Variants in GPR158 observed in about 807,000 individuals in gnomAD.
GPR158 encodes G protein-coupled receptor 158, also known as metabotropic glycine receptor.
A neutral mutation model predicts 78.2 loss-of-function variants in GPR158; 30 were observed. The observed-to-expected ratio is 0.38, with a 90% CI of 0.29 to 0.52. The LOEUF (loss-of-function observed/expected upper bound fraction) is 0.52, where lower values mean the gene tolerates loss of function less well. Among genes scored for constraint, GPR158 ranks in the 20% least tolerant of loss-of-function variants. GPR158 has a pLI of 0.83. For missense variants in GPR158, 1,463 were observed against 1,523.5 expected, an observed-to-expected ratio of 0.96 and a Z score of 0.66; for synonymous variants, 581 against 591.1, an observed-to-expected ratio of 0.98 and a Z score of 0.25.
chr10:25,381,182 T>C, intron 2 of GPR158, among the ~76,000 whole-genome samples: 1 of 152,066 alleles, frequency 6.6e-6, no homozygotes. Context: ...AAAGAGGGAA[T>C]GGTCAGAAGT....
intron 2 of GPR158, among the ~76,000 whole-genome samples, chr10:25,301,131 A>G (rs561152968): frequency 3.3e-5 from 5 of 152,324 alleles, no homozygotes; most frequent in African/African-American, 4.8e-5. Flanking sequence ...CCTTCAAAAT[A>G]TATTGAGATA....
chr10:25,432,118 G>C (rs534429378), intron 4 of GPR158, among the ~76,000 whole-genome samples: 21 of 152,190 alleles, frequency 1.4e-4, no homozygotes, highest in African/African-American at 5.1e-4. Context: ...CAAGGAATTA[G>C]CATCCTTAAC....
intron 4 of GPR158, among the ~76,000 whole-genome samples, chr10:25,458,834 G>GC (rs1229777963): frequency 1.3e-5 from 2 of 152,172 alleles, no homozygotes; most frequent in Admixed American, 6.5e-5. Flanking sequence ...GGGAGTCTCT[G>GC]CCATGACCTT....
rs11014627 is a variant in GPR158, at chr10:25,582,888, A to T, written c.1754-6119A>T. On this transcript the variant is annotated intron_variant, in intron 7 of 10. Transcript: ENST00000376351. Reference sequence around the variant, plus strand: ...CTCCTTTAATTACCACAGGCTATTCAATTCTAATTAATGTATCAGCTGTTC... The same window carrying T: ...CTCCTTTAATTACCACAGGCTATTCTATTCTAATTAATGTATCAGCTGTTC... 2.0e-5 allele frequency among the ~76,000 whole-genome samples: 3 copies of T among 152,122 alleles called. No individual in the cohort carries two copies. The East Asian group carries it at 5.8e-4, about 29-fold the overall frequency.
chr10:25,596,594 A>G lies in GPR158; in HGVS notation c.1999-49A>G, dbSNP rs1166478477. The G allele has an allele frequency of 3.5e-6, 5 of 1,431,772 alleles. No homozygotes were observed. The African/African-American group carries it at 4.2e-5, about 12-fold the overall frequency. The allele number at this position is 1,431,772 out of a possible 1,614,324, so 88.7% of individuals were successfully genotyped here. ...ATAGATATAGATATAGATATATGCA[A>G]TGCGTTACAGTGAGCTAATGTCTAC... On this transcript the variant is annotated intron_variant, in intron 9 of 10. Transcript: ENST00000376351.
In GPR158 at chr10:25,413,677, C is replaced by T. The variant is rs563402362; in HGVS notation, c.1335+1204C>T. ...AAAAAATACCCTCTGTGAATGGCATCTATTATGAAGCCTCAAGGTAAACAG... is the reference window on the plus strand; with the variant it reads ...AAAAAATACCCTCTGTGAATGGCATTTATTATGAAGCCTCAAGGTAAACAG... On this transcript the variant is annotated intron_variant, in intron 4 of 10. Transcript: ENST00000376351. Among the ~76,000 whole-genome samples, 1,187 of 152,232 alleles carry T rather than the reference C, an allele frequency of 7.8e-3. 14 individuals are homozygous for T. Among genetic ancestry groups the T allele is most frequent in the Non-Finnish European group, 0.014 (919 of 68,018 alleles).
chr10:25,575,910 G>T (rs1837087404), intron 7 of GPR158, among the ~76,000 whole-genome samples: 1 of 151,886 alleles, frequency 6.6e-6, no homozygotes, highest in African/African-American at 2.4e-5. Flanking sequence ...TATTATCTAA[G>T]GTAACACCAC....
chr10:25,521,170 C>T (rs926414531), intron 5 of GPR158, among the ~76,000 whole-genome samples: 1 of 152,252 alleles, frequency 6.6e-6, no homozygotes, highest in Non-Finnish European at 1.5e-5. Context: ...GGAAAGGAAA[C>T]TCCCTGACCC....
intron 2 of GPR158, among the ~76,000 whole-genome samples, chr10:25,291,879 A>G (rs924676287): frequency 3.3e-5 from 5 of 152,148 alleles, no homozygotes; most frequent in Non-Finnish European, 5.9e-5. Context: ...CAATTTCATT[A>G]TAAATTCCAT....
chr10:25,428,954 G>A (rs370038961), intron 4 of GPR158, among the ~76,000 whole-genome samples: 2 of 152,034 alleles, frequency 1.3e-5, no homozygotes, highest in Non-Finnish European at 2.9e-5. Flanking sequence ...TTCGGAGCCT[G>A]TGAAATATGC....
At chr10:25,374,956 A>G (rs2130556437) in intron 2 of GPR158, among the ~76,000 whole-genome samples, 1 of 151,844 alleles carries the variant, frequency 6.6e-6, no homozygotes, top group Non-Finnish European at 1.5e-5. Context: ...TTGATTTTAT[A>G]AGCAATTTCC....
chr10:25,521,040 G>T (rs1164388733), intron 5 of GPR158, among the ~76,000 whole-genome samples: 1 of 152,212 alleles, frequency 6.6e-6, no homozygotes. Context: ...AGGACCCTCC[G>T]AGCCAGGTGT....
chr10:25,594,201 T>C, intron 8 of GPR158, 91 bp from the exon 9 acceptor site: 1 of 729,354 alleles, frequency 1.4e-6, no homozygotes, highest in Middle Eastern at 2.7e-4. Flanking sequence ...CTTATTTTAA[T>C]ACAATGAGGA....
At chr10:25,443,855 C>T (rs1329468448) in intron 4 of GPR158, among the ~76,000 whole-genome samples, 1 of 152,012 alleles carries the variant, frequency 6.6e-6, no homozygotes, top group Non-Finnish European at 1.5e-5. Context: ...TCTTTCAGAC[C>T]TCAACTCCTC....
Position 25,317,716 on chromosome 10 carries a change from G to GTTTTGTTTTTTTTTT in GPR158, c.1009-78191_1009-78190insGTTTTTTTTTTTTTT, listed in dbSNP as rs1554793351. ...TTAAATTCTGTTTTCTTCGTAAAGT[G>GTTTTGTTTTTTTTTT]TTTTTTTTTGTTTTGTTTTGTTTTG... On this transcript the variant is annotated intron_variant, in intron 2 of 10. Transcript: ENST00000376351. Among the ~76,000 whole-genome samples the GTTTTGTTTTTTTTTT allele has an allele frequency of 4.0e-4, 54 of 134,062 alleles. 2 individuals are homozygous for GTTTTGTTTTTTTTTT. The highest frequency in any genetic ancestry group is 5.1e-4 in the African/African-American group (16 of 31,230). 87.9% of individuals were successfully genotyped at this position (134,062 alleles called of 152,430 possible).
In GPR158 at chr10:25,246,454, A is replaced by G. The variant is rs554653578; in HGVS notation, c.1008+25297A>G. Among the ~76,000 whole-genome samples the G allele has an allele frequency of 3.9e-5, 6 of 152,314 alleles. No homozygotes were observed. In the South Asian group the frequency reaches 1.2e-3, roughly 32 times the overall value. On this transcript the variant is annotated intron_variant, in intron 2 of 10. Transcript: ENST00000376351. ...TTTGAAAATGATTTTTCAAATCTCC[A>G]ATCAGAACTTCTGAGACGGAGGCAC...
chr10:25,295,923 G>A (rs771555734), intron 2 of GPR158, among the ~76,000 whole-genome samples: 95 of 152,076 alleles, frequency 6.2e-4, no homozygotes, highest in Non-Finnish European at 1.1e-3. Context: ...TGAATCCCCC[G>A]TTAAGAAGTA....
At chr10:25,490,690 C>T in intron 5 of GPR158, among the ~76,000 whole-genome samples, 1 of 145,056 alleles carries the variant, frequency 6.9e-6, no homozygotes, top group East Asian at 2.1e-4. Flanking sequence ...TCCAGTCTAT[C>T]ATTGTTGGAC....
intron 2 of GPR158, among the ~76,000 whole-genome samples, chr10:25,276,868 A>C (rs927629536): frequency 2.6e-5 from 4 of 152,198 alleles, no homozygotes; most frequent in African/African-American, 9.7e-5. Context: ...AGAAGCAGTA[A>C]GGACATAAAA....
Sources: allele counts gnomAD v4.1 joint callset (sites outside exome capture counted in the v4.1 genomes callset), GRCh38; gene constraint gnomAD v4.1.1; transcripts MANE v1.5; gene names NCBI Gene and HGNC (gene_info 2026-07-23, HGNC 2026-07-21).